MCTP1: variants seen among roughly 807,000 people sequenced by gnomAD.
The protein encoded by MCTP1 is multiple C2 and transmembrane domain containing 1.
Under a neutral mutation model 120.6 loss-of-function variants are expected in MCTP1, and 69 were observed. That is an observed-to-expected ratio of 0.57 (90% confidence interval 0.47 to 0.70). The LOEUF is 0.70. Among genes scored for constraint, MCTP1 ranks in the 30% least tolerant of loss-of-function variants. The probability of loss-of-function intolerance (pLI) is 0.00; values close to 1 mark genes in which losing one functional copy is unlikely to be tolerated. For missense variants in MCTP1, 1,203 were observed against 1,248.8 expected (o/e 0.96, Z 0.55); for synonymous variants, 529 against 493.1 (o/e 1.07, Z -0.96).
At chr5:95,170,485 G>C (rs1405612183) in intron 1 of MCTP1, among the ~76,000 whole-genome samples, 3 of 152,160 alleles carry the variant, frequency 2.0e-5, no homozygotes. Context: ...CTGTCTCGTT[G>C]ATCTGTCTAA....
At chr5:95,049,247 C>T (rs1427252918) in intron 1 of MCTP1, among the ~76,000 whole-genome samples, 1 of 152,034 alleles carries the variant, frequency 6.6e-6, no homozygotes, top group Non-Finnish European at 1.5e-5. Context: ...TTCGCACTTC[C>T]CGTTAAATTT....
rs565585788 is a variant in MCTP1, at chr5:94,812,185, G to A, written c.2437-13053C>T. Among the ~76,000 whole-genome samples, 51 of 152,226 alleles carry A rather than the reference G, an allele frequency of 3.4e-4. No individual in the cohort carries two copies. The Middle Eastern group carries it at 0.017, about 51-fold the overall frequency. Reference sequence around the variant, plus strand: ...AGGGGATATTAAGCAGGCATTAATCGTAGGTTCAGATGTGATGTCACACTC... The same window carrying A: ...AGGGGATATTAAGCAGGCATTAATCATAGGTTCAGATGTGATGTCACACTC... On this transcript the variant is annotated intron_variant, in intron 17 of 22. Coordinates refer to ENST00000515393, the MANE Select transcript of MCTP1 (RefSeq NM_024717.7).
chr5:94,933,943 C>T (rs980498427), intron 5 of MCTP1, among the ~76,000 whole-genome samples: 1 of 151,756 alleles, frequency 6.6e-6, no homozygotes, highest in Non-Finnish European at 1.5e-5. Context: ...TCAGTGATTA[C>T]CCTAAGTATA....
chr5:95,072,785 G>A (rs1439766061), intron 1 of MCTP1, among the ~76,000 whole-genome samples: 8 of 114,822 alleles, frequency 7.0e-5, no homozygotes, highest in Non-Finnish European at 1.1e-4. Flanking sequence ...TCGCTCTGTC[G>A]CCCAGGCTGG....
intron 12 of MCTP1, among the ~76,000 whole-genome samples, chr5:94,882,362 A>AT (rs1800289527): frequency 6.6e-6 from 1 of 152,074 alleles, no homozygotes. Context: ...AGGCTTGACT[A>AT]TTTAGTCATT....
At chr5:95,123,757 C>T (rs1249217446) in intron 1 of MCTP1, among the ~76,000 whole-genome samples, 1 of 151,572 alleles carries the variant, frequency 6.6e-6, no homozygotes, top group African/African-American at 2.4e-5. Flanking sequence ...TCATGCCATT[C>T]TCCTGCCTCA....
intron 2 of MCTP1, among the ~76,000 whole-genome samples, chr5:94,993,117 C>T (rs114970944): frequency 2.5e-3 from 382 of 152,046 alleles, no homozygotes; most frequent in Non-Finnish European, 4.0e-3. Context: ...TTTTTCAATA[C>T]GTAGTAAGTT....
intron 19 of MCTP1, among the ~76,000 whole-genome samples, chr5:94,744,649 G>A (rs576005499): frequency 6.6e-6 from 1 of 152,230 alleles, no homozygotes; most frequent in South Asian, 2.1e-4. Flanking sequence ...GATTACAGGC[G>A]TGTGCCACCA....
chr5:95,235,252 CA>C (rs1375288730), intron 1 of MCTP1, among the ~76,000 whole-genome samples: 1 of 151,614 alleles, frequency 6.6e-6, no homozygotes, highest in Non-Finnish European at 1.5e-5. Flanking sequence ...AAGCACTTGA[CA>C]AAAAATCAGC....
At chr5:95,165,314 GGA>G (rs1746197904) in intron 1 of MCTP1, among the ~76,000 whole-genome samples, 3 of 152,140 alleles carry the variant, frequency 2.0e-5, no homozygotes, top group African/African-American at 7.2e-5. Context: ...CTAATACTTT[GGA>G]GAGATAAACC....
At chr5:94,826,410 T>G in intron 17 of MCTP1, 1 of 648,508 alleles carries the variant, frequency 1.5e-6, no homozygotes, top group South Asian at 1.4e-5. Context: ...CATTGATACC[T>G]CTGATCCTGA....
intron 19 of MCTP1, among the ~76,000 whole-genome samples, chr5:94,724,802 A>G (rs999261436): frequency 1.3e-5 from 2 of 152,158 alleles, no homozygotes; most frequent in Non-Finnish European, 2.9e-5. Context: ...GCAGCCAGGA[A>G]AAAGGGGCCT....
intron 1 of MCTP1, among the ~76,000 whole-genome samples, chr5:95,181,491 A>G (rs1233395493): frequency 6.6e-6 from 1 of 152,180 alleles, no homozygotes; most frequent in Non-Finnish European, 1.5e-5. Context: ...ATGACTTTAT[A>G]TAAAAGAGCA....
intron 1 of MCTP1, among the ~76,000 whole-genome samples, chr5:95,190,903 A>G (rs775507673): frequency 5.3e-5 from 8 of 152,046 alleles, no homozygotes; most frequent in Non-Finnish European, 1.2e-4. Context: ...TAAATCTGCC[A>G]AATTCCATTA....
At chr5:95,229,740 C>CAA (rs535012504) in intron 1 of MCTP1, among the ~76,000 whole-genome samples, 12 of 121,058 alleles carry the variant, frequency 9.9e-5, no homozygotes, top group Non-Finnish European at 1.8e-4. Flanking sequence ...GACTCCATCT[C>CAA]AAAAAAAAAA....
rs2152750379 is a variant in MCTP1 at position 95,284,722 on chromosome 5, T to G, written c.-147A>C. The G allele has an allele frequency of 6.1e-5, 34 of 556,808 alleles. No homozygotes were observed. The highest frequency in any genetic ancestry group is 9.2e-5 in the Admixed American group (2 of 21,764). 34.5% of individuals were successfully genotyped at this position (556,808 alleles called of 1,614,324 possible). A position where few individuals can be genotyped will look rare whatever the true frequency, so the allele number is the denominator to read the frequency against. ...CGGGCGCAGCAGCAGAAACCGGGAG[T>G]GCCCAGCGACTTCAGGCCAGCTCGG... On this transcript the variant is annotated 5_prime_UTR_variant, in exon 1 of 23. Coordinates refer to ENST00000515393, the MANE Select transcript of MCTP1 (RefSeq NM_024717.7). The surrounding 1 kb of genome is among the most constrained non-coding windows in gnomAD (Gnocchi z 5.2).
chr5:95,236,948 A>T (rs1755603697), intron 1 of MCTP1, among the ~76,000 whole-genome samples: 1 of 152,204 alleles, frequency 6.6e-6, no homozygotes, highest in Non-Finnish European at 1.5e-5. Flanking sequence ...AAGCTTTAAA[A>T]TGGCCTTCTT....
intron 1 of MCTP1, among the ~76,000 whole-genome samples, chr5:95,182,346 A>G (rs1198299213): frequency 6.6e-6 from 1 of 152,254 alleles, no homozygotes. Flanking sequence ...TAAGATATTG[A>G]GAAGATGCTC....
intron 19 of MCTP1, among the ~76,000 whole-genome samples, chr5:94,732,827 G>T (rs1030410578): frequency 2.9e-4 from 44 of 152,148 alleles, no homozygotes; most frequent in African/African-American, 1.1e-3. Context: ...GGACTTTCTA[G>T]CCTCCAGAAC....
Sources: allele counts gnomAD v4.1 joint callset (sites outside exome capture counted in the v4.1 genomes callset), GRCh38; gene constraint gnomAD v4.1.1; non-coding constraint Gnocchi (gnomAD v3.1); transcripts MANE v1.5; gene names NCBI Gene and HGNC (gene_info 2026-07-23, HGNC 2026-07-21).